Variants in EDIL3 observed in about 807,000 individuals in gnomAD.
EDIL3 encodes EGF-like repeat and discoidin I-like domain-containing protein 3.
Under a neutral mutation model 67.4 loss-of-function variants are expected in EDIL3, and 37 were observed. The observed-to-expected ratio is 0.55, with a 90% CI of 0.42 to 0.72. The LOEUF is 0.72. Ranked by LOEUF, EDIL3 falls within the 30% of genes least tolerant of loss-of-function variation. The pLI, the probability that EDIL3 is intolerant of heterozygous loss-of-function variation, is 0.00. For synonymous variants in EDIL3, 195 were observed against 196.3 expected, an observed-to-expected ratio of 0.99 and a Z score of 0.05; for missense variants, 527 against 586.3, an observed-to-expected ratio of 0.90 and a Z score of 1.04.
At chr5:84,176,316 T>C (rs1580362119) in intron 4 of EDIL3, among the ~76,000 whole-genome samples, 1 of 80,042 alleles carries the variant, frequency 1.2e-5, no homozygotes, top group Admixed American at 1.4e-4. Flanking sequence ...ATATATATAA[T>C]ATATATATAT....
intron 3 of EDIL3, among the ~76,000 whole-genome samples, chr5:84,229,630 T>C (rs571611937): frequency 1.4e-4 from 22 of 152,286 alleles, no homozygotes; most frequent in African/African-American, 4.8e-4. Context: ...TTTTCCTCTG[T>C]ATTAGTTCGT....
chr5:84,352,450 T>C (rs1223859026), intron 1 of EDIL3, among the ~76,000 whole-genome samples: 1 of 152,088 alleles, frequency 6.6e-6, no homozygotes, highest in Admixed American at 6.6e-5. Flanking sequence ...ACACACACCA[T>C]GGGATTCTAT....
intron 4 of EDIL3, among the ~76,000 whole-genome samples, chr5:84,171,075 G>A (rs1561452267): frequency 6.6e-6 from 1 of 152,080 alleles, no homozygotes; most frequent in African/African-American, 2.4e-5. Flanking sequence ...GATTATAGCT[G>A]TGAGCCACCG....
intron 9 of EDIL3, among the ~76,000 whole-genome samples, chr5:84,004,816 A>C (rs1745384833): frequency 6.6e-6 from 1 of 152,126 alleles, no homozygotes; most frequent in African/African-American, 2.4e-5. Context: ...AGCTAGCAGA[A>C]GAAAAGAGAT....
chr5:83,945,169 T>C (rs865906981), intron 10 of EDIL3, among the ~76,000 whole-genome samples: 3 of 152,028 alleles, frequency 2.0e-5, no homozygotes, highest in African/African-American at 4.8e-5. Flanking sequence ...TTATGCTTAG[T>C]AATGCCCTGT....
intron 5 of EDIL3, among the ~76,000 whole-genome samples, chr5:84,126,735 A>T (rs1430744808): frequency 1.3e-5 from 2 of 152,106 alleles, no homozygotes; most frequent in Non-Finnish European, 2.9e-5. Flanking sequence ...TTATTTTCTC[A>T]TCAAAGGACA....
intron 1 of EDIL3, among the ~76,000 whole-genome samples, chr5:84,285,617 GA>G (rs2112112309): frequency 6.6e-6 from 1 of 152,332 alleles, no homozygotes; most frequent in Non-Finnish European, 1.5e-5. Context: ...ATATATTCAT[GA>G]AAGAAAACCA....
intron 3 of EDIL3, among the ~76,000 whole-genome samples, chr5:84,204,552 A>T (rs1743917104): frequency 6.6e-6 from 1 of 152,044 alleles, no homozygotes; most frequent in Non-Finnish European, 1.5e-5. Flanking sequence ...ATGCCTATCA[A>T]ACGCCCATTC....
At chr5:84,071,948 A>G (rs1580311965) in intron 6 of EDIL3, among the ~76,000 whole-genome samples, 1 of 152,290 alleles carries the variant, frequency 6.6e-6, no homozygotes, top group East Asian at 1.9e-4. Context: ...TAATATTTAA[A>G]TGAGAGGAAA....
chr5:84,319,476 A>AT (rs1746581500), intron 1 of EDIL3, among the ~76,000 whole-genome samples: 2 of 83,424 alleles, frequency 2.4e-5, no homozygotes, highest in Admixed American at 2.5e-4. Context: ...AAAAAAAAAA[A>AT]CAAAAAACAA....
chr5:83,964,078 G>C (rs1235506267), intron 9 of EDIL3, among the ~76,000 whole-genome samples: 1 of 151,766 alleles, frequency 6.6e-6, no homozygotes, highest in Non-Finnish European at 1.5e-5. Flanking sequence ...ATACTTTAAA[G>C]AGCATGAGAC....
rs2112107711 is a variant in EDIL3, at chr5:83,942,226, A to C, written c.*1193T>G. Reference sequence around the variant, plus strand: ...TTGCTTATTTTTTCAGGACCTTTGAAGCAAAATAAATAGAAATCAGTTTTC... The same window carrying C: ...TTGCTTATTTTTTCAGGACCTTTGACGCAAAATAAATAGAAATCAGTTTTC... On this transcript the variant is annotated 3_prime_UTR_variant, in exon 11 of 11. Coordinates refer to ENST00000296591, the MANE Select transcript of EDIL3 (RefSeq NM_005711.5). 6.6e-6 allele frequency: 1 copy of C among 152,138 alleles called. No individual in the cohort carries two copies. The highest frequency in any genetic ancestry group is 1.9e-4 in the East Asian group (1 of 5,162). The allele number at this position is 152,138 out of a possible 1,614,324, so 9.4% of individuals were successfully genotyped here.
At chr5:83,977,567 T>C (rs1216041687) in intron 9 of EDIL3, among the ~76,000 whole-genome samples, 1 of 151,870 alleles carries the variant, frequency 6.6e-6, no homozygotes, top group East Asian at 1.9e-4. Flanking sequence ...TCTTTAATTA[T>C]AAGTCTATTC....
intron 3 of EDIL3, among the ~76,000 whole-genome samples, chr5:84,196,452 T>C (rs772830239): frequency 5.9e-5 from 9 of 152,014 alleles, no homozygotes; most frequent in Non-Finnish European, 1.2e-4. Context: ...GTGATCTTGT[T>C]TTCTCAATGG....
intron 4 of EDIL3, among the ~76,000 whole-genome samples, chr5:84,169,906 C>A (rs753625289): frequency 3.3e-5 from 5 of 151,970 alleles, no homozygotes; most frequent in Admixed American, 6.6e-5. Flanking sequence ...GGATAAATGC[C>A]CAAGAGTGTA....
At chr5:84,033,704 T>TAAAAAA (rs71605889) in intron 9 of EDIL3, among the ~76,000 whole-genome samples, 1 of 92,822 alleles carries the variant, frequency 1.1e-5, no homozygotes, top group Non-Finnish European at 2.1e-5. Context: ...ACATTGTCTC[T>TAAAAAA]AAAAAAAAAA....
chr5:84,003,561 C>G (rs6898773), intron 9 of EDIL3, among the ~76,000 whole-genome samples: 8 of 152,176 alleles, frequency 5.3e-5, no homozygotes, highest in Non-Finnish European at 8.8e-5. Context: ...TCTAGCCAAA[C>G]TAAGCTTCAC....
intron 1 of EDIL3, among the ~76,000 whole-genome samples, chr5:84,341,098 G>T (rs1303173401): frequency 1.3e-5 from 2 of 151,994 alleles, no homozygotes; most frequent in East Asian, 3.9e-4. Flanking sequence ...TTTCCAGCTT[G>T]TATTTATTGC....
chr5:84,048,242 C>G, intron 9 of EDIL3: 1 of 443,588 alleles, frequency 2.3e-6, no homozygotes. Context: ...CTGGTGGTCA[C>G]TTAATTTTGA....
Sources: allele counts gnomAD v4.1 joint callset (sites outside exome capture counted in the v4.1 genomes callset), GRCh38; gene constraint gnomAD v4.1.1; transcripts MANE v1.5; gene names NCBI Gene and HGNC (gene_info 2026-07-23, HGNC 2026-07-21).